RFX3: variants seen among roughly 807,000 people sequenced by gnomAD.
RFX3 encodes regulatory factor X3, also known as transcription factor RFX3.
In RFX3, 14 loss-of-function variants were observed where a neutral mutation model predicts 98.6. That is an observed-to-expected ratio of 0.14 (90% CI 0.09 to 0.22). The LOEUF (loss-of-function observed/expected upper bound fraction) is 0.22, where lower values mean the gene tolerates loss of function less well. Among genes scored for constraint, RFX3 ranks in the 10% least tolerant of loss-of-function variants. The pLI is 1.00. For synonymous variants in RFX3, 383 were observed against 328.4 expected (o/e 1.17, Z -1.80); for missense variants, 639 against 926.9 (o/e 0.69, Z 4.03).
intron 1 of RFX3, among the ~76,000 whole-genome samples, chr9:3,415,421 T>G (rs1219143697): frequency 1.3e-5 from 2 of 151,774 alleles, no homozygotes; most frequent in African/African-American, 4.8e-5. Context: ...ATGATTAGCA[T>G]TTTTAATATA....
intron 2 of RFX3, among the ~76,000 whole-genome samples, chr9:3,361,214 A>C (rs1010177629): frequency 6.6e-6 from 1 of 152,176 alleles, no homozygotes; most frequent in African/African-American, 2.4e-5. Flanking sequence ...GCTATTAATA[A>C]AAGGACAGTG....
At chr9:3,467,792 A>G (rs1848444127) in intron 1 of RFX3, among the ~76,000 whole-genome samples, 1 of 152,148 alleles carries the variant, frequency 6.6e-6, no homozygotes, top group South Asian at 2.1e-4. Flanking sequence ...GCCAGTGTAC[A>G]AGCACACATA....
At chr9:3,506,673 GAT>G (rs1482039506) in intron 1 of RFX3, among the ~76,000 whole-genome samples, 29 of 151,600 alleles carry the variant, frequency 1.9e-4, no homozygotes, top group Non-Finnish European at 7.4e-5. Flanking sequence ...TCTATATATA[GAT>G]ATATGAGTCT....
At chr9:3,371,740 G>C (rs78534697) in intron 2 of RFX3, among the ~76,000 whole-genome samples, 2 of 152,116 alleles carry the variant, frequency 1.3e-5, no homozygotes, top group African/African-American at 2.4e-5. Context: ...AAAATAATTT[G>C]GGTTAGTAGA....
At chr9:3,423,971 C>A (rs1843706871) in intron 1 of RFX3, among the ~76,000 whole-genome samples, 1 of 151,500 alleles carries the variant, frequency 6.6e-6, no homozygotes, top group South Asian at 2.1e-4. Context: ...CATGGTGAAA[C>A]CCCGTCTGTA....
chr9:3,478,579 G>A (rs1849471595), intron 1 of RFX3, among the ~76,000 whole-genome samples: 1 of 152,084 alleles, frequency 6.6e-6, no homozygotes, highest in Non-Finnish European at 1.5e-5. Context: ...TTCATGAGAA[G>A]TCATACCTTC....
In RFX3 at chr9:3,324,142, T is replaced by C. The variant is rs759311572; in HGVS notation, c.474+6117A>G. 4 of 342,526 alleles carry C rather than the reference T, an allele frequency of 1.2e-5. 1 individual carries two copies. Among genetic ancestry groups the C allele is most frequent in the South Asian group, 7.5e-5 (3 of 40,152 alleles). 21.2% of individuals were successfully genotyped at this position (342,526 alleles called of 1,614,324 possible). A position where few individuals can be genotyped will look rare whatever the true frequency, so the allele number is the denominator to read the frequency against. On this transcript the variant is annotated intron_variant, in intron 4 of 16. Coordinates refer to ENST00000617270, the MANE Select transcript of RFX3 (RefSeq NM_001282116.2). ...AAAACAGAAAAAGCTAAGATCATAA[T>C]GGTGATACATGTTCCTGCCAAAATA...
chr9:3,456,521 G>T (rs1035916386), intron 1 of RFX3, among the ~76,000 whole-genome samples: 4 of 150,798 alleles, frequency 2.7e-5, no homozygotes, highest in African/African-American at 9.7e-5. Flanking sequence ...TCAAGTCCAT[G>T]ATAAAAATGA....
At chr9:3,415,312 T>A (rs1404744954) in intron 1 of RFX3, among the ~76,000 whole-genome samples, 5 of 150,906 alleles carry the variant, frequency 3.3e-5, no homozygotes, top group Non-Finnish European at 5.9e-5. Context: ...ACTCTTGGGC[T>A]CAAGCAATCC....
chr9:3,360,023 A>T (rs1032869888), intron 2 of RFX3, among the ~76,000 whole-genome samples: 7 of 152,116 alleles, frequency 4.6e-5, no homozygotes, highest in Admixed American at 1.3e-4. Flanking sequence ...AGCATTTCTA[A>T]AAGAGATGGG....
At chr9:3,517,574 T>C (rs769031773) in intron 1 of RFX3, among the ~76,000 whole-genome samples, 1 of 152,176 alleles carries the variant, frequency 6.6e-6, no homozygotes, top group African/African-American at 2.4e-5. Context: ...AGGCAAGCAG[T>C]ACTAGCTGGG....
intron 1 of RFX3, among the ~76,000 whole-genome samples, chr9:3,482,106 A>G (rs1012995041): frequency 1.2e-4 from 19 of 152,270 alleles, no homozygotes; most frequent in African/African-American, 4.6e-4. Context: ...AATACTGTAT[A>G]GGATACCACC....
At chr9:3,333,749 C>A (rs1041579209) in intron 3 of RFX3, among the ~76,000 whole-genome samples, 111 of 152,154 alleles carry the variant, frequency 7.3e-4, no homozygotes, top group African/African-American at 2.7e-3. Context: ...TTGAGAGATG[C>A]GGGACATGGT....
chr9:3,251,926 G>A (rs894599100), intron 14 of RFX3, among the ~76,000 whole-genome samples: 3 of 151,672 alleles, frequency 2.0e-5, no homozygotes, highest in Admixed American at 6.6e-5. Context: ...TCAGCTCACC[G>A]CAACCTCTGC....
intron 2 of RFX3, among the ~76,000 whole-genome samples, chr9:3,377,092 G>C (rs1297553704): frequency 2.0e-5 from 3 of 152,164 alleles, no homozygotes; most frequent in African/African-American, 7.2e-5. Context: ...TCCCATTACT[G>C]GGTACATACC....
intron 1 of RFX3, among the ~76,000 whole-genome samples, chr9:3,430,571 C>T (rs1214022287): frequency 6.6e-6 from 1 of 152,008 alleles, no homozygotes; most frequent in African/African-American, 2.4e-5. Context: ...ATCACAATGA[C>T]ACCAATATTT....
intron 12 of RFX3, among the ~76,000 whole-genome samples, chr9:3,264,717 G>C (rs1450153844): frequency 5.3e-5 from 8 of 152,180 alleles, no homozygotes; most frequent in African/African-American, 1.9e-4. Context: ...CACAGTAGTT[G>C]GAATGCTGTT....
At position 3,271,070 on chromosome 9, in the gene RFX3, A is replaced by G. The variant is rs370348559; in HGVS notation, c.1135T>C (p.Leu379=). 7 of 1,613,888 alleles carry G rather than the reference A, an allele frequency of 4.3e-6. No homozygotes were observed. In the African/African-American group the frequency reaches 5.3e-5, roughly 12 times the overall value. ...VNLQFSLIEK[L]WQTFWRYSPS... is the part of the protein sequence containing the mutation. Reference sequence around the variant, plus strand: ...GAATAGCGCCAGAATGTTTGCCACAATTTTTCTATCAGGCTAAATTGAAGA... The same window carrying G: ...GAATAGCGCCAGAATGTTTGCCACAGTTTTTCTATCAGGCTAAATTGAAGA... The change falls in exon 10 of 17, where the codon TTG becomes CTG. Residue 379 remains leucine (L), a synonymous_variant. Coordinates refer to ENST00000617270, the MANE Select transcript of RFX3 (RefSeq NM_001282116.2).
intron 1 of RFX3, among the ~76,000 whole-genome samples, chr9:3,500,009 T>A (rs1815803587): frequency 6.6e-6 from 1 of 152,148 alleles, no homozygotes; most frequent in Non-Finnish European, 1.5e-5. Flanking sequence ...CTTCAATGGT[T>A]GCTTTCATTT....
Sources: allele counts gnomAD v4.1 joint callset (sites outside exome capture counted in the v4.1 genomes callset), GRCh38; gene constraint gnomAD v4.1.1; transcripts MANE v1.5; gene names NCBI Gene and HGNC (gene_info 2026-07-23, HGNC 2026-07-21).